BTAF1: variants seen among roughly 807,000 people sequenced by gnomAD.
The protein encoded by BTAF1 is TATA-binding protein-associated factor 172.
Under a neutral mutation model 227.1 loss-of-function variants are expected in BTAF1, and 38 were observed. The observed-to-expected ratio is 0.17, with a 90% confidence interval of 0.13 to 0.22. The LOEUF is 0.22. BTAF1 is among the 10% of genes least tolerant of loss of function. The pLI is 1.00. For missense variants in BTAF1, 1,598 were observed against 2,204.0 expected (o/e 0.73, Z 5.51); for synonymous variants, 742 against 751.9 (o/e 0.99, Z 0.21).
Position 91,982,610 on chromosome 10 carries a change from G to A in BTAF1, c.2072G>A (p.Cys691Tyr). 1 of 1,613,546 alleles carries A rather than the reference G, an allele frequency of 6.2e-7. No individual in the cohort carries two copies. The change falls in exon 18 of 38, where the codon TGT becomes TAT. Residue 691 changes from cysteine to tyrosine, a missense_variant. By Grantham distance (194) the Cys-to-Tyr change is radical. Around this residue, in one of 10 missense-constraint regions of BTAF1, gnomAD observed 318 missense variants for 435.0 expected, o/e 0.73. Coordinates refer to ENST00000265990, the MANE Select transcript of BTAF1 (RefSeq NM_003972.3). ...AAKLLGALCC[C>Y]ICDPGVNVVT... ...AGGTTGTTAGGAGCACTTTGTTGCT[G>A]TATTTGTGATCCAGGTGTAAATGTG...
intron 33 of BTAF1, 71 bp from the exon 34 acceptor site, chr10:92,018,712 A>T (rs1342204452): frequency 7.7e-7 from 1 of 1,293,192 alleles, no homozygotes; most frequent in Admixed American, 2.7e-5. Flanking sequence ...TAGCATAGGG[A>T]AAGATACAGA....
At chr10:91,964,346 CCTTGT>C (rs1169922761) in intron 13 of BTAF1, 145 bp downstream of exon 13, 1 of 948,754 alleles carries the variant, frequency 1.1e-6, no homozygotes, top group Non-Finnish European at 1.5e-6. Context: ...TTTCAGAAGG[CCTTGT>C]CTTTTTTACT....
chr10:91,997,536 G>A (rs1849225803), intron 24 of BTAF1, 67 bp from the exon 25 acceptor site: 2 of 1,385,008 alleles, frequency 1.4e-6, no homozygotes, highest in Non-Finnish European at 1.0e-6. Flanking sequence ...TAAAATCTTG[G>A]TATCAGTTTG....
At chr10:91,946,737 T>C (rs1310730870) in intron 4 of BTAF1, among the ~76,000 whole-genome samples, 1 of 152,244 alleles carries the variant, frequency 6.6e-6, no homozygotes, top group Non-Finnish European at 1.5e-5. Context: ...TGCACGTTTT[T>C]CATTGGGTTA....
At position 91,990,586 on chromosome 10, in the gene BTAF1, G is replaced by A. The variant is rs113943695; in HGVS notation, c.2854+1006G>A. ...GAGGCAGGCGGATCACCTGAGGTCG[G>A]GAGTTCAAGACCAGCCTGACCAAAA... is the stretch of plus-strand genomic sequence containing the variant. On this transcript the variant is annotated intron_variant, in intron 20 of 37. Transcript: ENST00000265990. 5.7e-3 allele frequency among the ~76,000 whole-genome samples: 858 copies of A among 151,418 alleles called. 5 individuals carry two copies. The highest frequency in any genetic ancestry group is 0.02 in the African/African-American group (827 of 41,294).
chr10:92,025,429 G>C (rs1339430637), intron 35 of BTAF1, among the ~76,000 whole-genome samples: 1 of 150,528 alleles, frequency 6.6e-6, no homozygotes, highest in East Asian at 1.9e-4. Flanking sequence ...AATCTCAGTG[G>C]TTGCTTTTTT....
At chr10:92,023,890 T>C (rs1179176619) in intron 34 of BTAF1, among the ~76,000 whole-genome samples, 2 of 152,096 alleles carry the variant, frequency 1.3e-5, no homozygotes, top group Non-Finnish European at 2.9e-5. Flanking sequence ...TGCCTTGGCC[T>C]CCCAAAGTGC....
intron 3 of BTAF1, among the ~76,000 whole-genome samples, chr10:91,941,801 A>G (rs954474332): frequency 2.0e-5 from 3 of 152,226 alleles, no homozygotes; most frequent in Admixed American, 2.0e-4. Flanking sequence ...ACATTTTAAC[A>G]TGGGAATGCA....
chr10:91,981,840 T>C (rs1484511374), intron 16 of BTAF1, 48 bp downstream of exon 16: 20 of 1,554,586 alleles, frequency 1.3e-5, no homozygotes, highest in Non-Finnish European at 1.7e-5. Flanking sequence ...CATCTAATTA[T>C]TAATACAGTA....
chr10:91,982,058 G>A (rs984138131), intron 16 of BTAF1, 25 bp from the exon 17 acceptor site: 3 of 1,572,696 alleles, frequency 1.9e-6, no homozygotes, highest in African/African-American at 1.4e-5. Context: ...AATCTTTATT[G>A]TTTTTTTTTC....
intron 1 of BTAF1, among the ~76,000 whole-genome samples, chr10:91,929,628 A>C (rs1164370444): frequency 6.6e-6 from 1 of 152,218 alleles, no homozygotes; most frequent in Non-Finnish European, 1.5e-5. Context: ...TGGGTCCTGG[A>C]CAGGAAAATG....
At chr10:91,983,845 T>C (rs1848223142) in intron 18 of BTAF1, among the ~76,000 whole-genome samples, 1 of 151,966 alleles carries the variant, frequency 6.6e-6, no homozygotes, top group African/African-American at 2.4e-5. Flanking sequence ...TAATAATGAG[T>C]TTTTAAATAA....
chr10:91,989,979 A>G (rs551558653), intron 20 of BTAF1, among the ~76,000 whole-genome samples: 39 of 152,388 alleles, frequency 2.6e-4, no homozygotes, highest in Middle Eastern at 3.4e-3. Context: ...TGAAAAAGTC[A>G]TTATAAAATC....
Position 91,959,767 on chromosome 10 carries a change from T to C in BTAF1, c.991-18T>C, listed in dbSNP as rs781266245. 17 of 702,340 alleles carry C rather than the reference T, an allele frequency of 2.4e-5. No homozygotes were observed. Among genetic ancestry groups the C allele is most frequent in the African/African-American group, 2.1e-4 (10 of 47,660 alleles). 43.5% of individuals were successfully genotyped at this position (702,340 alleles called of 1,614,324 possible). ...ATATATATATATATATATATATATA[T>C]ATATTATATTTTAACAGATGATTCA... On this transcript the variant is annotated intron_variant, in intron 9 of 37. Coordinates refer to ENST00000265990, the MANE Select transcript of BTAF1 (RefSeq NM_003972.3).
intron 8 of BTAF1, among the ~76,000 whole-genome samples, chr10:91,957,917 A>G (rs1055299367): frequency 1.3e-5 from 2 of 152,194 alleles, no homozygotes; most frequent in African/African-American, 2.4e-5. Flanking sequence ...CACTGCAGAA[A>G]GTAGCCTCAC....
intron 14 of BTAF1, among the ~76,000 whole-genome samples, chr10:91,975,787 A>G (rs1379707702): frequency 6.6e-6 from 1 of 152,244 alleles, no homozygotes; most frequent in Non-Finnish European, 1.5e-5. Flanking sequence ...ACAAAAGGGT[A>G]CAGACAAGAT....
At chr10:91,939,803 A>T (rs977941773) in intron 2 of BTAF1, 149 bp from the exon 3 acceptor site, 6 of 457,232 alleles carry the variant, frequency 1.3e-5, no homozygotes, top group African/African-American at 1.2e-4. Flanking sequence ...AATCTTGTAA[A>T]TGAATTTAAT....
chr10:91,999,062 C>CA (rs34831539), intron 25 of BTAF1, among the ~76,000 whole-genome samples: 39,937 of 115,146 alleles, frequency 0.35, 6,870 homozygotes, highest in East Asian at 0.53. Flanking sequence ...GACTTCCTTT[C>CA]AAAAAAAAAA....
At chr10:91,963,978 G>T in intron 12 of BTAF1, 99 bp from the exon 13 acceptor site, 3 of 1,289,632 alleles carry the variant, frequency 2.3e-6, no homozygotes, top group South Asian at 2.7e-5. Flanking sequence ...GGAATTGCAT[G>T]TGTTGTTGAA....
Sources: allele counts gnomAD v4.1 joint callset (sites outside exome capture counted in the v4.1 genomes callset), GRCh38; gene constraint gnomAD v4.1.1; regional missense constraint gnomAD v4.1.1; transcripts MANE v1.5; gene names NCBI Gene and HGNC (gene_info 2026-07-23, HGNC 2026-07-21).